ARID1B: variants seen among roughly 807,000 people sequenced by gnomAD.
ARID1B encodes the protein AT-rich interaction domain 1B.
A neutral mutation model predicts 212.3 loss-of-function variants in ARID1B; 30 were observed. The observed-to-expected ratio is 0.14, with a 90% confidence interval of 0.11 to 0.19. The LOEUF is 0.19. Among genes scored for constraint, ARID1B ranks in the 10% least tolerant of loss-of-function variants. The probability of loss-of-function intolerance (pLI) is 1.00; values close to 1 mark genes in which losing one functional copy is unlikely to be tolerated. For synonymous variants in ARID1B, 1,402 were observed against 1,301.7 expected (o/e 1.08, Z -1.66); for missense variants, 2,891 against 3,204.0 (o/e 0.90, Z 2.36).
At chr6:157,060,468 A>C (rs892647121) in intron 4 of ARID1B, among the ~76,000 whole-genome samples, 4 of 152,176 alleles carry the variant, frequency 2.6e-5, no homozygotes, top group Non-Finnish European at 4.4e-5. Context: ...CCATAGAAGA[A>C]TAAATAATTT....
intron 1 of ARID1B, among the ~76,000 whole-genome samples, chr6:156,787,553 C>T (rs1294653606): frequency 6.6e-6 from 1 of 152,028 alleles, no homozygotes; most frequent in Non-Finnish European, 1.5e-5. Flanking sequence ...GATTCAGTGA[C>T]CATATATCAA....
At chr6:157,050,516 C>T (rs1363479355) in intron 4 of ARID1B, among the ~76,000 whole-genome samples, 2 of 152,098 alleles carry the variant, frequency 1.3e-5, no homozygotes, top group African/African-American at 4.8e-5. Flanking sequence ...TGCACTCCAG[C>T]CTGGGCGACA....
chr6:157,203,842 A>G lies in ARID1B; in HGVS notation c.5264-24A>G, dbSNP rs1368435464. On this transcript the variant is annotated intron_variant, in intron 18 of 19. Coordinates refer to ENST00000636930, the MANE Select transcript of ARID1B (RefSeq NM_001374828.1). The surrounding 1 kb of genome is among the most constrained non-coding windows in gnomAD (Gnocchi z 4.4). ...CATGCATAGAGTCAACATTCATGAT[A>G]TCCTTGTTCTTCCCCATCTTCAGTT... 1 of 1,613,578 alleles carries G rather than the reference A, an allele frequency of 6.2e-7. No individual in the cohort carries two copies. Among genetic ancestry groups the G allele is most frequent in the Non-Finnish European group, 8.5e-7 (1 of 1,179,520 alleles).
chr6:156,896,782 A>C (rs1203515095), intron 2 of ARID1B, among the ~76,000 whole-genome samples: 1 of 151,808 alleles, frequency 6.6e-6, no homozygotes, highest in East Asian at 1.9e-4. Flanking sequence ...GGGAGGCTGA[A>C]GCAGGAGAAT....
chr6:156,990,365 G>A (rs903719031), intron 4 of ARID1B, among the ~76,000 whole-genome samples: 2 of 151,868 alleles, frequency 1.3e-5, no homozygotes, highest in African/African-American at 4.8e-5. Flanking sequence ...TTTGTAGGCC[G>A]GGCGCTGTGG....
chr6:156,992,558 C>A (rs73578046), intron 4 of ARID1B, among the ~76,000 whole-genome samples: 3 of 152,074 alleles, frequency 2.0e-5, no homozygotes, highest in African/African-American at 7.3e-5. Context: ...AAAGGCACCC[C>A]GGGAATGGAG....
intron 1 of ARID1B, among the ~76,000 whole-genome samples, chr6:156,814,066 T>G (rs1373180384): frequency 1.3e-5 from 2 of 152,150 alleles, no homozygotes; most frequent in Non-Finnish European, 2.9e-5. Flanking sequence ...TACAAGGTGA[T>G]GTTTATTTTT....
At chr6:157,166,276 C>T (rs1364380364) in intron 8 of ARID1B, 1 of 152,168 alleles carries the variant, frequency 6.6e-6, no homozygotes, top group Non-Finnish European at 1.5e-5. Context: ...GACCTCTTTG[C>T]AAGAGTGAAG....
At chr6:157,113,451 G>A (rs1429316693) in intron 6 of ARID1B, among the ~76,000 whole-genome samples, 3 of 152,160 alleles carry the variant, frequency 2.0e-5, no homozygotes, top group African/African-American at 7.2e-5. Context: ...GCATGGCTGG[G>A]GAGGCCTCTG....
Position 157,158,354 on chromosome 6 carries a change from T to C in ARID1B, c.3090-8686T>C, listed in dbSNP as rs139847682. 3.3e-5 allele frequency among the ~76,000 whole-genome samples: 5 copies of C among 152,340 alleles called. No homozygotes were observed. In the East Asian group the frequency reaches 9.6e-4, roughly 29 times the overall value. ...ATTTTTTAAAGATCAGAAATTACTG[T>C]TTTTCTGTTTCCTGGACAAGTGCAT... On this transcript the variant is annotated intron_variant, in intron 8 of 19. Transcript: ENST00000636930.
intron 8 of ARID1B, among the ~76,000 whole-genome samples, chr6:157,155,355 C>T (rs760583699): frequency 1.7e-4 from 26 of 152,094 alleles, no homozygotes; most frequent in Admixed American, 7.2e-4. Context: ...GATATTGACA[C>T]GGATAAAGGT....
intron 4 of ARID1B, among the ~76,000 whole-genome samples, chr6:156,946,749 T>C (rs1236174291): frequency 2.0e-5 from 3 of 152,132 alleles, no homozygotes; most frequent in Non-Finnish European, 4.4e-5. Flanking sequence ...TTAATCTGTG[T>C]GACCAGGATG....
At chr6:157,196,039 A>G (rs1793695698) in intron 15 of ARID1B, 126 bp from the exon 16 acceptor site, 1 of 1,226,442 alleles carries the variant, frequency 8.2e-7, no homozygotes. Context: ...AGCCTGGGCG[A>G]CAGAGTGAGA....
chr6:156,799,166 A>G (rs1368787664), intron 1 of ARID1B, among the ~76,000 whole-genome samples: 1 of 110,702 alleles, frequency 9.0e-6, no homozygotes, highest in Non-Finnish European at 2.1e-5. Flanking sequence ...GTGAAATACT[A>G]AGTATTGAAT....
intron 7 of ARID1B, among the ~76,000 whole-genome samples, chr6:157,147,514 C>T (rs866656504): frequency 1.4e-4 from 6 of 43,820 alleles, no homozygotes; most frequent in African/African-American, 1.1e-3. Flanking sequence ...CCCTCACCCC[C>T]GCCTCCGGCC....
chr6:157,142,655 C>CA (rs528277627), intron 7 of ARID1B, among the ~76,000 whole-genome samples: 36 of 151,612 alleles, frequency 2.4e-4, no homozygotes, highest in East Asian at 1.7e-3. Flanking sequence ...AAAACAACAA[C>CA]AAAAAAAACA....
intron 2 of ARID1B, among the ~76,000 whole-genome samples, chr6:156,876,004 C>G (rs1786514811): frequency 6.6e-6 from 1 of 152,182 alleles, no homozygotes; most frequent in Admixed American, 6.5e-5. Flanking sequence ...TTGAATATTC[C>G]AAATTATATG....
At chr6:156,972,438 A>G (rs1051689265) in intron 4 of ARID1B, among the ~76,000 whole-genome samples, 1 of 152,144 alleles carries the variant, frequency 6.6e-6, no homozygotes, top group Admixed American at 6.5e-5. Context: ...TGCTTTTCTG[A>G]GTGTAAAATT....
chr6:157,195,890 G>C (rs1203887079), intron 15 of ARID1B: 1 of 356,902 alleles, frequency 2.8e-6, no homozygotes, highest in African/African-American at 2.2e-5. Flanking sequence ...GTGAAACCCT[G>C]TCTCTACTAA....
Sources: allele counts gnomAD v4.1 joint callset (sites outside exome capture counted in the v4.1 genomes callset), GRCh38; gene constraint gnomAD v4.1.1; non-coding constraint Gnocchi (gnomAD v3.1); transcripts MANE v1.5; gene names NCBI Gene and HGNC (gene_info 2026-07-23, HGNC 2026-07-21).